DUSP14: variants seen among roughly 807,000 people sequenced by gnomAD.
DUSP14 encodes dual specificity protein phosphatase 14.
A neutral mutation model predicts 13.2 loss-of-function variants in DUSP14; 5 were observed. That is an observed-to-expected ratio of 0.38 (90% CI 0.20 to 0.80). The LOEUF (loss-of-function observed/expected upper bound fraction) is 0.80. DUSP14 is among the 30% of genes least tolerant of loss of function. The probability of loss-of-function intolerance (pLI) is 0.44; values close to 1 mark genes in which losing one functional copy is unlikely to be tolerated. For missense variants in DUSP14, 185 were observed against 264.0 expected, an observed-to-expected ratio of 0.70 and a Z score of 2.07; for synonymous variants, 91 against 103.4, an observed-to-expected ratio of 0.88 and a Z score of 0.73.
intron 1 of DUSP14, among the ~76,000 whole-genome samples, chr17:37,509,158 CACACACACACTCT>C (rs2054160326): frequency 3.0e-5 from 2 of 66,364 alleles, no homozygotes; most frequent in Non-Finnish European, 2.6e-5. Flanking sequence ...CACACACACA[CACACACACACTCT>C]ATATATATAT....
intron 2 of DUSP14, among the ~76,000 whole-genome samples, chr17:37,511,765 AT>A (rs1403836818): frequency 6.8e-6 from 1 of 147,136 alleles, no homozygotes; most frequent in Non-Finnish European, 1.5e-5. Flanking sequence ...TTAAAAAAAA[AT>A]AAAAAATAAA....
intron 1 of DUSP14, among the ~76,000 whole-genome samples, chr17:37,509,388 C>T (rs1341335987): frequency 6.9e-6 from 1 of 145,752 alleles, no homozygotes; most frequent in African/African-American, 2.6e-5. Context: ...GCAATTTCGG[C>T]TCCACTGCAA....
chr17:37,492,586 G>C (rs948223806), intron 1 of DUSP14, among the ~76,000 whole-genome samples: 2 of 152,202 alleles, frequency 1.3e-5, no homozygotes, highest in African/African-American at 4.8e-5. Context: ...GGCAAGTAAG[G>C]TCGGTCTCTG....
intron 1 of DUSP14, among the ~76,000 whole-genome samples, chr17:37,502,541 A>C (rs1305840600): frequency 6.6e-6 from 1 of 151,938 alleles, no homozygotes; most frequent in Non-Finnish European, 1.5e-5. Flanking sequence ...TTTGGACCTC[A>C]CTAGTAGGGG....
At position 37,509,162 on chromosome 17, in the gene DUSP14, C is replaced by T. The variant is rs1389295963; in HGVS notation, c.-180-1515C>T. 2.7e-4 allele frequency among the ~76,000 whole-genome samples: 19 copies of T among 69,878 alleles called. 2 individuals carry two copies. Among genetic ancestry groups the T allele is most frequent in the African/African-American group, 1.4e-3 (18 of 13,174 alleles). 45.8% of individuals were successfully genotyped at this position (69,878 alleles called of 152,430 possible). A position where few individuals can be genotyped will look rare whatever the true frequency, so the allele number is the denominator to read the frequency against. The stretch of plus-strand genomic sequence containing the variant: ...ACACACACACACACACACACACACA[C>T]ACACACTCTATATATATATGTACTA... On this transcript the variant is annotated intron_variant, in intron 1 of 2. Transcript: ENST00000617516.
chr17:37,512,380 GGGCAGA>G lies in DUSP14; in HGVS notation c.114_119del (p.Arg38_Gly39del). On this transcript the variant is annotated inframe_deletion, in exon 3 of 3. Coordinates refer to ENST00000617516, the MANE Select transcript of DUSP14 (RefSeq NM_007026.4). This position sits in a 1 kb window ranked among gnomAD's most constrained non-coding sequence, Gnocchi z 4.8. ...CTCAAATCACCTCCTCTCTATTCCT[GGGCAGA>G]GGCAGTGTGGCCTCCAATCGGCACC... 1 of 1,614,134 alleles carries G rather than the reference GGGCAGA, an allele frequency of 6.2e-7. No individual in the cohort carries two copies. Among genetic ancestry groups the G allele is most frequent in the Non-Finnish European group, 8.5e-7 (1 of 1,180,010 alleles).
intron 1 of DUSP14, among the ~76,000 whole-genome samples, chr17:37,492,069 G>A (rs1437245621): frequency 6.6e-6 from 1 of 152,194 alleles, no homozygotes; most frequent in Non-Finnish European, 1.5e-5. Flanking sequence ...CTTCTGTCAA[G>A]AACAAGTAAT....
chr17:37,512,944 C>A lies in DUSP14; in HGVS notation c.*75C>A. The stretch of plus-strand genomic sequence containing the variant: ...CCGCCGTCTGCTCCCTCTCCACTCT[C>A]TTCTCAAATGGCTGACTTCTGGTTC... On this transcript the variant is annotated 3_prime_UTR_variant, in exon 3 of 3. Transcript: ENST00000617516. This position sits in a 1 kb window ranked among gnomAD's most constrained non-coding sequence, Gnocchi z 4.8. The A allele has an allele frequency of 1.6e-6, 2 of 1,260,892 alleles. No individual in the cohort carries two copies. The highest frequency in any genetic ancestry group is 2.2e-6 in the Non-Finnish European group (2 of 899,658). The allele number at this position is 1,260,892 out of a possible 1,614,324, so 78.1% of individuals were successfully genotyped here.
At chr17:37,492,293 C>T (rs1280617548) in intron 1 of DUSP14, among the ~76,000 whole-genome samples, 1 of 152,034 alleles carries the variant, frequency 6.6e-6, no homozygotes, top group Non-Finnish European at 1.5e-5. Context: ...TATAAAGAAA[C>T]GTCAAAGGGA....
At chr17:37,500,766 G>C (rs561005639) in intron 1 of DUSP14, among the ~76,000 whole-genome samples, 2 of 152,118 alleles carry the variant, frequency 1.3e-5, no homozygotes, top group Non-Finnish European at 2.9e-5. Context: ...TTTAAATACA[G>C]CTGTGGACTT....
At chr17:37,509,119 A>G (rs180918447) in intron 1 of DUSP14, among the ~76,000 whole-genome samples, 2,569 of 20,696 alleles carry the variant, frequency 0.12, 436 homozygotes, top group East Asian at 0.63. Flanking sequence ...ATATATATAT[A>G]TATATATATA....
At chr17:37,501,472 G>A (rs531291863) in intron 1 of DUSP14, among the ~76,000 whole-genome samples, 3 of 152,074 alleles carry the variant, frequency 2.0e-5, no homozygotes, top group African/African-American at 2.4e-5. Context: ...GAAAAGGGCT[G>A]TATTCTCCAT....
chr17:37,502,584 TTAGG>T (rs2054112502), intron 1 of DUSP14, among the ~76,000 whole-genome samples: 1 of 152,084 alleles, frequency 6.6e-6, no homozygotes, highest in Admixed American at 6.6e-5. Flanking sequence ...GTCCGAGGCC[TTAGG>T]TAGGAGATTC....
intron 1 of DUSP14, among the ~76,000 whole-genome samples, chr17:37,507,384 C>G (rs943992557): frequency 6.6e-6 from 1 of 152,174 alleles, no homozygotes; most frequent in Non-Finnish European, 1.5e-5. Context: ...TCAGCAAATG[C>G]GAGTTAACGG....
At chr17:37,504,805 TC>T (rs1460533845) in intron 1 of DUSP14, among the ~76,000 whole-genome samples, 1 of 152,166 alleles carries the variant, frequency 6.6e-6, no homozygotes, top group African/African-American at 2.4e-5. Context: ...GGTCTTAAAC[TC>T]TTGGGTTTAA....
intron 1 of DUSP14, among the ~76,000 whole-genome samples, chr17:37,498,676 G>T (rs1597968588): frequency 6.9e-6 from 1 of 145,588 alleles, no homozygotes; most frequent in Non-Finnish European, 1.5e-5. Context: ...AAAGTAATCA[G>T]TTTTTTTTTT....
rs1300327225 is a variant in DUSP14 at position 37,509,124 on chromosome 17, TATATACACAC to T, written c.-180-1551_-180-1542del. ...AAACCCATATATATATATATATATA[TATATACACAC>T]ACACACACACACACACACACACACA... On this transcript the variant is annotated intron_variant, in intron 1 of 2. Transcript: ENST00000617516. Among the ~76,000 whole-genome samples the T allele has an allele frequency of 2.7e-3, 116 of 42,778 alleles. 19 individuals are homozygous for T. The highest frequency in any genetic ancestry group is 8.8e-3 in the Admixed American group (22 of 2,488). 28.1% of individuals were successfully genotyped at this position (42,778 alleles called of 152,430 possible).
chr17:37,509,280 TATATATATATATATATA>T (rs1357168774), intron 1 of DUSP14, among the ~76,000 whole-genome samples: 10,128 of 39,806 alleles, frequency 0.25, 942 homozygotes, highest in Admixed American at 0.3. Context: ...TATATATATA[TATATATATATATATATA>T]GTGTGTGTGT....
chr17:37,493,007 G>T (rs998654503), intron 1 of DUSP14, among the ~76,000 whole-genome samples: 1 of 152,116 alleles, frequency 6.6e-6, no homozygotes, highest in Non-Finnish European at 1.5e-5. Flanking sequence ...GTGTGTGTGT[G>T]TATGTGTATG....
Sources: allele counts gnomAD v4.1 joint callset (sites outside exome capture counted in the v4.1 genomes callset), GRCh38; gene constraint gnomAD v4.1.1; non-coding constraint Gnocchi (gnomAD v3.1); transcripts MANE v1.5; gene names NCBI Gene and HGNC (gene_info 2026-07-23, HGNC 2026-07-21).